TRPM5: variants seen among roughly 807,000 people sequenced by gnomAD.
The protein encoded by TRPM5 is transient receptor potential cation channel subfamily M member 5, also known as MLSN1 and TRP-related.
TRPM5 carries 121 observed loss-of-function variants against 124.9 expected under a neutral mutation model. The ratio of observed to expected loss-of-function variants is 0.97; its 90% CI spans 0.84 to 1.13. The LOEUF is 1.13. Ranked by LOEUF, TRPM5 falls within the 50% of genes most tolerant of loss-of-function variation. The pLI is 0.00. For missense variants in TRPM5, 1,643 were observed against 1,589.1 expected (o/e 1.03, Z -0.58); for synonymous variants, 781 against 700.5 (o/e 1.11, Z -1.81).
exon 1 of TRPM5, chr11:2,422,997 C>G (rs748476746): frequency 1.2e-6 from 2 of 1,612,782 alleles, no homozygotes; most frequent in Non-Finnish European, 1.7e-6. Context: ...TCTTCAGCAT[C>G]CCCGGGGCTT....
rs373730844 is a variant in TRPM5, at chr11:2,413,531, G to C, written c.1948C>G (p.Leu650Val). ...GCGGGGCAGAGGAAGGCTCCTAGCA[G>C]CCGCAGGATGGGCGTGCCTGCGGCC... Residue 650 changes from leucine to valine, a missense_variant, in exon 13 of 24, where the codon CTG becomes GTG. Leu to Val is a conservative substitution (Grantham distance 32). Transcript: ENST00000155858. 41 of 1,612,454 alleles carry C rather than the reference G, an allele frequency of 2.5e-5. No homozygotes were observed. The highest frequency in any genetic ancestry group is 3.3e-5 in the Non-Finnish European group (39 of 1,179,826).
At chr11:2,429,266 G>T in the TRPM5 span, among the ~76,000 whole-genome samples, 6 of 151,164 alleles carry the variant, frequency 4.0e-5, no homozygotes, top group African/African-American at 7.3e-5. The surrounding 1 kb of genome is among the most constrained non-coding windows in gnomAD (Gnocchi z 8.4). Context: ...GGTGTTCATG[G>T]TGATGGTGAT....
chr11:2,412,540 C>T (rs1040539581), intron 15 of TRPM5, among the ~76,000 whole-genome samples: 1 of 152,224 alleles, frequency 6.6e-6, no homozygotes. Context: ...CAGACTCTGA[C>T]GAGGGAGACC....
the TRPM5 span, among the ~76,000 whole-genome samples, chr11:2,437,173 G>A: frequency 6.6e-6 from 1 of 152,224 alleles, no homozygotes; most frequent in Non-Finnish European, 1.5e-5. This position sits in a 1 kb window ranked among gnomAD's most constrained non-coding sequence, Gnocchi z 5.6. Context: ...TTTCACACAT[G>A]CACACCTACA....
exon 5 of TRPM5, chr11:2,418,584 G>A (rs1845722616): frequency 6.2e-7 from 1 of 1,611,142 alleles, no homozygotes; most frequent in Non-Finnish European, 8.5e-7. Flanking sequence ...TCTCGATGCT[G>A]CCAGTGCCTG....
At chr11:2,404,511 A>C (rs1850273408), downstream of TRPM5, 1 of 163,532 alleles carries the variant, frequency 6.1e-6, no homozygotes, top group African/African-American at 2.4e-5. Context: ...TCTAACCACC[A>C]GTGTTTCAAA....
chr11:2,431,355 C>T, the TRPM5 span, among the ~76,000 whole-genome samples: 1 of 152,124 alleles, frequency 6.6e-6, no homozygotes, highest in South Asian at 2.1e-4. Context: ...AGCCTAAGCT[C>T]ACATCCACTC....
chr11:2,436,289 G>A, the TRPM5 span, among the ~76,000 whole-genome samples: 4 of 152,276 alleles, frequency 2.6e-5, no homozygotes, highest in African/African-American at 9.6e-5. Flanking sequence ...AGCCCGTGAT[G>A]GGCCATGGTG....
rs773838234 is a variant in TRPM5 at position 2,418,483 on chromosome 11, C to CCA, written c.714+42_714+43dup. The CCA allele has an allele frequency of 3.1e-6, 5 of 1,587,470 alleles. No individual in the cohort carries two copies. The East Asian group carries it at 1.2e-4, about 37-fold the overall frequency. On this transcript the variant is annotated intron_variant, in intron 5 of 23. Coordinates refer to ENST00000155858, the Ensembl canonical transcript of TRPM5. ...GGTGCCCAGAACCCACCGCACCCCT[C>CCA]CACAAGGCTTCGGCCAGCCAGGGGG...
the TRPM5 span, among the ~76,000 whole-genome samples, chr11:2,440,399 G>T: frequency 0.019 from 2,866 of 152,246 alleles, 77 homozygotes; most frequent in African/African-American, 0.061. This position sits in a 1 kb window ranked among gnomAD's most constrained non-coding sequence, Gnocchi z 5.2. Flanking sequence ...CATTCGCCAG[G>T]CATAAGGATC....
chr11:2,439,642 G>C, the TRPM5 span, among the ~76,000 whole-genome samples: 1 of 152,208 alleles, frequency 6.6e-6, no homozygotes, highest in Non-Finnish European at 1.5e-5. Flanking sequence ...TCTCACACCA[G>C]TCAGAATGGC....
intron 2 of TRPM5, 130 bp from the exon 8 acceptor site, chr11:2,421,328 C>T: frequency 8.4e-7 from 1 of 1,196,516 alleles, no homozygotes; most frequent in South Asian, 1.5e-5. Flanking sequence ...TGGGGAATGC[C>T]TCACGGTGGG....
rs550811584 is a variant in TRPM5 at position 2,409,937 on chromosome 11, C to T, written c.2782+1415G>A. Among the ~76,000 whole-genome samples, 62 of 152,296 alleles carry T rather than the reference C, an allele frequency of 4.1e-4. 1 individual carries two copies. In the South Asian group the frequency reaches 7.0e-3, roughly 17 times the overall value. On this transcript the variant is annotated intron_variant, in intron 18 of 23. Transcript: ENST00000155858. ...AAGGAGGCTATGGCCAGGCCTGTCT[C>T]CTCATACGAGTCGCTGAGACTGGCC...
At chr11:2,439,804 G>C in the TRPM5 span, among the ~76,000 whole-genome samples, 1 of 152,202 alleles carries the variant, frequency 6.6e-6, no homozygotes, top group Non-Finnish European at 1.5e-5. Context: ...AGTTCCATTT[G>C]ACCCAGCAAT....
At chr11:2,420,507 G>T in intron 3 of TRPM5, 102 bp from the exon 9 acceptor site, 1 of 1,250,796 alleles carries the variant, frequency 8.0e-7, no homozygotes, top group Non-Finnish European at 1.1e-6. Context: ...ACGCCATGGG[G>T]CCCCGCACAA....
Position 2,411,874 on chromosome 11 carries a change from C to T in TRPM5, c.2475-107G>A, listed in dbSNP as rs1850459701. ...GGGCAGGGCCAGGGCCAGGCCAGGA[C>T]TCCTTGGGCCCTGAGTGGCTTCATC... is the stretch of plus-strand genomic sequence containing the variant. On this transcript the variant is annotated intron_variant, in intron 16 of 23. Transcript: ENST00000155858. 3 of 1,392,892 alleles carry T rather than the reference C, an allele frequency of 2.2e-6. No individual in the cohort carries two copies. The South Asian group carries it at 3.8e-5, about 18-fold the overall frequency. 86.3% of individuals were successfully genotyped at this position (1,392,892 alleles called of 1,614,324 possible). A position where few individuals can be genotyped will look rare whatever the true frequency, so the allele number is the denominator to read the frequency against.
At chr11:2,419,551 G>A (rs1186158550) in intron 4 of TRPM5, among the ~76,000 whole-genome samples, 1 of 151,586 alleles carries the variant, frequency 6.6e-6, no homozygotes, top group Non-Finnish European at 1.5e-5. Flanking sequence ...GGGAGGTGGA[G>A]GCTGCAGTGA....
the TRPM5 span, among the ~76,000 whole-genome samples, chr11:2,428,888 ATGT>A: frequency 6.6e-3 from 966 of 147,376 alleles, 12 homozygotes; most frequent in African/African-American, 0.023. The surrounding 1 kb of genome is among the most constrained non-coding windows in gnomAD (Gnocchi z 4.0). Context: ...GGTGGTCATG[ATGT>A]TGGTGGTGTT....
At position 2,422,126 on chromosome 11, in the gene TRPM5, C is replaced by T. The variant is rs183122430; in HGVS notation, c.298+15G>A. 88 of 1,575,116 alleles carry T rather than the reference C, an allele frequency of 5.6e-5. No individual in the cohort carries two copies. In the Middle Eastern group the frequency reaches 2.3e-3, roughly 40 times the overall value. On this transcript the variant is annotated intron_variant, in intron 2 of 23. Transcript: ENST00000155858. ...TGTGGGGTGGGAGCGCTGCCTGTGC[C>T]GGGTGGGGCCTCACCTGTGCTCTGA...
Sources: gnomAD v4.1 joint callset for allele counts (sites outside exome capture counted in the v4.1 genomes callset) on GRCh38, gnomAD v4.1.1 for gene constraint, Gnocchi (gnomAD v3.1) non-coding constraint, MANE v1.5 for transcripts, NCBI Gene and HGNC (gene_info 2026-07-23, HGNC 2026-07-21) for gene names.